MCUR1: variants seen among roughly 807,000 people sequenced by gnomAD.
The protein encoded by MCUR1 is mitochondrial calcium uniporter regulator 1.
Under a neutral mutation model 42.0 loss-of-function variants are expected in MCUR1, and 37 were observed. The ratio of observed to expected loss-of-function variants is 0.88; its 90% CI spans 0.68 to 1.16. The LOEUF is 1.16. Among genes scored for constraint, MCUR1 ranks in the 50% most tolerant of loss-of-function variants. The probability of loss-of-function intolerance (pLI) is 0.00; values close to 1 mark genes in which losing one functional copy is unlikely to be tolerated. For synonymous variants in MCUR1, 229 were observed against 196.2 expected (o/e 1.17, Z -1.40); for missense variants, 469 against 468.4 (o/e 1.00, Z -0.01).
In MCUR1 at chr6:13,787,039, A is replaced by G. The variant is rs1006564061; in HGVS notation, c.*3770T>C. The G allele has an allele frequency of 6.6e-6, 1 of 152,218 alleles. No individual in the cohort carries two copies. The highest frequency in any genetic ancestry group is 2.1e-4 in the South Asian group (1 of 4,832). 9.4% of individuals were successfully genotyped at this position (152,218 alleles called of 1,614,324 possible). A position where few individuals can be genotyped will look rare whatever the true frequency, so the allele number is the denominator to read the frequency against. On this transcript the variant is annotated 3_prime_UTR_variant, in exon 9 of 9. Transcript: ENST00000379170. Reference sequence around the variant, plus strand: ...AGTTTTCTAGATATGAATTCTATATACCATCTCTATATTTGTTTAGAATTT... The same window carrying G: ...AGTTTTCTAGATATGAATTCTATATGCCATCTCTATATTTGTTTAGAATTT...
At chr6:13,803,068 T>A (rs4712109) in intron 2 of MCUR1, among the ~76,000 whole-genome samples, 2 of 150,974 alleles carry the variant, frequency 1.3e-5, no homozygotes, top group African/African-American at 4.9e-5. Flanking sequence ...ACTTGGTATT[T>A]TTTTTTTTTT....
intron 4 of MCUR1, 97 bp from the exon 5 acceptor site, chr6:13,800,479 T>A (rs1215063275): frequency 2.9e-6 from 2 of 682,636 alleles, no homozygotes; most frequent in African/African-American, 3.7e-5. Flanking sequence ...GTTCCTCAGG[T>A]TTTTCCTTCA....
Position 13,790,750 on chromosome 6 carries a change from GC to G in MCUR1, c.*58del, listed in dbSNP as rs1239893819. The G allele has an allele frequency of 4.3e-6, 6 of 1,408,378 alleles. No individual in the cohort carries two copies. Among genetic ancestry groups the G allele is most frequent in the African/African-American group, 2.9e-5 (2 of 69,970 alleles). The allele number at this position is 1,408,378 out of a possible 1,614,324, so 87.2% of individuals were successfully genotyped here. On this transcript the variant is annotated 3_prime_UTR_variant, in exon 9 of 9. Transcript: ENST00000379170. ...TTACAGGTGTGAGCCACCGCACCCA[GC>G]CAACAATCTGGTATTCTTAAGGCAA...
At chr6:13,811,440 C>T (rs1222329458) in intron 1 of MCUR1, among the ~76,000 whole-genome samples, 1 of 151,982 alleles carries the variant, frequency 6.6e-6, no homozygotes, top group Non-Finnish European at 1.5e-5. Context: ...CTCCTCAGTT[C>T]TTCCCTTTTC....
chr6:13,808,970 T>C (rs1054124478), intron 1 of MCUR1, among the ~76,000 whole-genome samples: 3 of 152,244 alleles, frequency 2.0e-5, no homozygotes, highest in Admixed American at 2.0e-4. Context: ...AGACAGGGTC[T>C]CGCTCTATTG....
chr6:13,813,467 C>T (rs1016331846), intron 1 of MCUR1, among the ~76,000 whole-genome samples: 1 of 152,110 alleles, frequency 6.6e-6, no homozygotes, highest in Admixed American at 6.5e-5. Flanking sequence ...ATATTTACTG[C>T]GTCTGCTCTG....
chr6:13,804,339 A>AAG (rs1760065871), intron 2 of MCUR1: 1 of 160,374 alleles, frequency 6.2e-6, no homozygotes, highest in Admixed American at 6.5e-5. Flanking sequence ...AAAAAAAAAA[A>AAG]AAAAAAAAAG....
intron 2 of MCUR1, among the ~76,000 whole-genome samples, chr6:13,806,494 C>T (rs1168886344): frequency 6.6e-6 from 1 of 152,234 alleles, no homozygotes; most frequent in Non-Finnish European, 1.5e-5. Context: ...CAGAAATACA[C>T]TTCACTTGGA....
At chr6:13,795,421 T>A (rs1026921297) in intron 6 of MCUR1, among the ~76,000 whole-genome samples, 8 of 152,212 alleles carry the variant, frequency 5.3e-5, no homozygotes, top group Non-Finnish European at 1.0e-4. Flanking sequence ...TATATCCCCA[T>A]GCCCCAGAAG....
rs371453041 is a variant in MCUR1 at position 13,796,563 on chromosome 6, GGT to G, written c.855+2268_855+2269del. ...GACCTCCCAAAGTGCTGGGATTACA[GGT>G]GTGAGCCACCATGCCCGGCAGAAAT... On this transcript the variant is annotated intron_variant, in intron 6 of 8. Coordinates refer to ENST00000379170, the MANE Select transcript of MCUR1 (RefSeq NM_001031713.4). Among the ~76,000 whole-genome samples, 18 of 152,130 alleles carry G rather than the reference GGT, an allele frequency of 1.2e-4. No individual in the cohort carries two copies. The East Asian group carries it at 2.3e-3, about 20-fold the overall frequency.
At chr6:13,801,730 G>A (rs1759994344) in intron 3 of MCUR1, among the ~76,000 whole-genome samples, 1 of 152,042 alleles carries the variant, frequency 6.6e-6, no homozygotes, top group African/African-American at 2.4e-5. Flanking sequence ...CACGGCTGTA[G>A]TCCCAGCTAC....
At position 13,798,888 on chromosome 6, in the gene MCUR1, A is replaced by C. The variant is rs764812955; in HGVS notation, c.800T>G (p.Val267Gly). The C allele has an allele frequency of 6.2e-7, 1 of 1,600,342 alleles. No individual in the cohort carries two copies. The highest frequency in any genetic ancestry group is 8.6e-7 in the Non-Finnish European group (1 of 1,168,154). The part of the protein sequence containing the change: ...KQQVMDEVIK[V>G]RTDTKLDFNL... ...GAAGTCTAATTTGGTATCTGTTCGG[A>C]CTTTGATCACTTCATCCTAAAAGGA... is the stretch of plus-strand genomic sequence containing the variant. The change falls in exon 6 of 9, where the codon GTC becomes GGC. Residue 267 changes from valine to glycine, a missense_variant. By Grantham distance (109) the Val-to-Gly change is moderately radical. Coordinates refer to ENST00000379170, the MANE Select transcript of MCUR1 (RefSeq NM_001031713.4).
chr6:13,796,908 T>C (rs1386269369), intron 6 of MCUR1, among the ~76,000 whole-genome samples: 1 of 152,172 alleles, frequency 6.6e-6, no homozygotes, highest in African/African-American at 2.4e-5. Flanking sequence ...ATACAACCCA[T>C]AAAGATAAAG....
chr6:13,792,011 T>A lies in MCUR1; in HGVS notation c.910-19A>T. 2 of 1,590,848 alleles carry A rather than the reference T, an allele frequency of 1.3e-6. No individual in the cohort carries two copies. The highest frequency in any genetic ancestry group is 1.7e-6 in the Non-Finnish European group (2 of 1,159,836). On this transcript the variant is annotated intron_variant, in intron 7 of 8. Coordinates refer to ENST00000379170, the MANE Select transcript of MCUR1 (RefSeq NM_001031713.4). Reference sequence around the variant, plus strand: ...GGGCATGCTTTTAAAATGAAGAGAGTCACAGCGTTAGACCACAGCACGTCC... The same window carrying A: ...GGGCATGCTTTTAAAATGAAGAGAGACACAGCGTTAGACCACAGCACGTCC...
In MCUR1 at chr6:13,801,327, CA is replaced by C. The variant is rs1467945627; in HGVS notation, c.701del (p.Leu234TrpfsTer16). 3 of 1,612,950 alleles carry C rather than the reference CA, an allele frequency of 1.9e-6. No individual in the cohort carries two copies. The Admixed American group carries it at 5.0e-5, about 27-fold the overall frequency. Reference protein sequence around the residue: ...IANVKKDMIILEKSEFSALRA... With the variant: ...IANVKKDMIIXEKSEFSALRA... The stretch of plus-strand genomic sequence containing the variant: ...TGAGGGCTGAAAATTCACTCTTCTC[CA>C]AAATAATCATATCCTTTTTCACATT... On this transcript the variant is annotated frameshift_variant, in exon 4 of 9. Coordinates refer to ENST00000379170, the MANE Select transcript of MCUR1 (RefSeq NM_001031713.4). LOFTEE classifies it high-confidence loss of function.
At chr6:13,801,948 C>A (rs1181211395) in intron 3 of MCUR1, among the ~76,000 whole-genome samples, 1 of 152,086 alleles carries the variant, frequency 6.6e-6, no homozygotes, top group African/African-American at 2.4e-5. Flanking sequence ...TGTGAAGACT[C>A]GAGAACATGA....
chr6:13,809,337 T>C (rs936357478), intron 1 of MCUR1, among the ~76,000 whole-genome samples: 2 of 152,246 alleles, frequency 1.3e-5, no homozygotes, highest in Admixed American at 6.5e-5. Flanking sequence ...GGCTTGCTAG[T>C]ATTTTGTTAA....
In MCUR1 at chr6:13,814,503, C is replaced by T; in HGVS notation, c.-74G>A. On this transcript the variant is annotated 5_prime_UTR_variant, in exon 1 of 9. Transcript: ENST00000379170. Reference sequence around the variant, plus strand: ...GGCGCCGGCCACGCGCGGTCCAGGCCCAGAGTCCGACAGCGGGAGCGAGCG... The same window carrying T: ...GGCGCCGGCCACGCGCGGTCCAGGCTCAGAGTCCGACAGCGGGAGCGAGCG... The T allele has an allele frequency of 7.4e-7, 1 of 1,350,988 alleles. No homozygotes were observed. Among genetic ancestry groups the T allele is most frequent in the Non-Finnish European group, 9.5e-7 (1 of 1,054,904 alleles). 83.7% of individuals were successfully genotyped at this position (1,350,988 alleles called of 1,614,324 possible).
intron 2 of MCUR1, among the ~76,000 whole-genome samples, chr6:13,805,077 A>C (rs1199366016): frequency 1.3e-5 from 2 of 152,048 alleles, no homozygotes; most frequent in African/African-American, 4.8e-5. Flanking sequence ...TGTGGCCCTC[A>C]CACCACAGTC....
Sources: allele counts gnomAD v4.1 joint callset (sites outside exome capture counted in the v4.1 genomes callset), GRCh38; gene constraint gnomAD v4.1.1; transcripts MANE v1.5; gene names NCBI Gene and HGNC (gene_info 2026-07-23, HGNC 2026-07-21).